TFEC: variants seen among roughly 807,000 people sequenced by gnomAD.
The protein encoded by TFEC is transcription factor EC.
Under a neutral mutation model 41.6 loss-of-function variants are expected in TFEC, and 31 were observed. That is an observed-to-expected ratio of 0.74 (90% confidence interval 0.56 to 1.01). The LOEUF (loss-of-function observed/expected upper bound fraction) is 1.01. Among genes scored for constraint, TFEC ranks in the 50% least tolerant of loss-of-function variants. The pLI is 0.00. For synonymous variants in TFEC, 143 were observed against 140.6 expected (o/e 1.02, Z -0.12); for missense variants, 402 against 404.1 (o/e 0.99, Z 0.04).
chr7:116,059,063 A>C lies in TFEC; in HGVS notation c.198+51645T>G, dbSNP rs186189762. On this transcript the variant is annotated intron_variant, in intron 3 of 8. Transcript: ENST00000484212. ...AGGAAAATTAATGAAATAAAATATA[A>C]AATCAATGTAACTGAAAGCTTATTC... Among the ~76,000 whole-genome samples, 110 of 151,938 alleles carry C rather than the reference A, an allele frequency of 7.2e-4. 2 individuals carry two copies. In the South Asian group the frequency reaches 0.021, roughly 29 times the overall value.
At chr7:116,060,551 G>A (rs1052649544) in intron 3 of TFEC, among the ~76,000 whole-genome samples, 62 of 152,114 alleles carry the variant, frequency 4.1e-4, no homozygotes, top group Admixed American at 4.1e-3. Context: ...ACAACATCAT[G>A]TCTTTTGTGG....
intron 1 of TFEC, among the ~76,000 whole-genome samples, chr7:116,127,463 G>C (rs951922063): frequency 6.6e-6 from 1 of 151,950 alleles, no homozygotes; most frequent in Non-Finnish European, 1.5e-5. Context: ...ACTGAAAGCA[G>C]TGATATGTTT....
intron 3 of TFEC, among the ~76,000 whole-genome samples, chr7:116,107,306 G>A (rs1157864549): frequency 2.0e-5 from 3 of 152,032 alleles, no homozygotes; most frequent in African/African-American, 2.4e-5. Flanking sequence ...CCATCAAAGC[G>A]AACACCTGAC....
chr7:115,978,437 T>C (rs1208880238), intron 2 of TFEC, among the ~76,000 whole-genome samples: 1 of 152,152 alleles, frequency 6.6e-6, no homozygotes, highest in Non-Finnish European at 1.5e-5. Flanking sequence ...AACCTAAAAA[T>C]CTTAAAATCC....
intron 2 of TFEC, among the ~76,000 whole-genome samples, chr7:115,974,823 G>A (rs1456118412): frequency 6.6e-6 from 1 of 151,614 alleles, no homozygotes; most frequent in Non-Finnish European, 1.5e-5. Context: ...ATAATAATAG[G>A]TAATAGCAAT....
rs148211958 is a variant in TFEC at position 116,081,681 on chromosome 7, C to A, written c.198+29027G>T. ...TCCCACTATAGCTCTCAGAATTAAG[C>A]CCAAATTCTTTAGCACAGATATGAG... On this transcript the variant is annotated intron_variant, in intron 3 of 8. Transcript: ENST00000484212. Among the ~76,000 whole-genome samples, 263 of 152,160 alleles carry A rather than the reference C, an allele frequency of 1.7e-3. 1 individual carries two copies. Among genetic ancestry groups the A allele is most frequent in the African/African-American group, 6.1e-3 (252 of 41,540 alleles).
At chr7:116,085,484 G>T (rs1797183227) in intron 3 of TFEC, among the ~76,000 whole-genome samples, 1 of 151,780 alleles carries the variant, frequency 6.6e-6, no homozygotes, top group Admixed American at 6.6e-5. Context: ...GAACGGGTTT[G>T]ACCAAATGGA....
chr7:115,956,560 CCTT>C, intron 4 of TFEC, 116 bp downstream of exon 4: 1 of 524,988 alleles, frequency 1.9e-6, no homozygotes, highest in Non-Finnish European at 3.2e-6. Flanking sequence ...TTACTGTCTG[CCTT>C]CTTTTTTGTA....
intron 1 of TFEC, among the ~76,000 whole-genome samples, chr7:116,112,432 T>C (rs1562973565): frequency 6.6e-6 from 1 of 152,026 alleles, no homozygotes; most frequent in African/African-American, 2.4e-5. Flanking sequence ...CAGGGTAAAA[T>C]TCATTGTATG....
intron 6 of TFEC, among the ~76,000 whole-genome samples, chr7:115,945,076 T>G (rs1276015742): frequency 4.0e-5 from 6 of 150,738 alleles, no homozygotes; most frequent in Admixed American, 2.7e-4. Context: ...TTTTAATGGT[T>G]GTAGTCACCT....
chr7:116,002,714 T>C (rs1219194363), intron 1 of TFEC, among the ~76,000 whole-genome samples: 1 of 152,172 alleles, frequency 6.6e-6, no homozygotes, highest in Non-Finnish European at 1.5e-5. Context: ...CTTGAGGTGA[T>C]AGATACCCAA....
At chr7:116,035,031 T>A (rs895797335), upstream of TFEC, among the ~76,000 whole-genome samples, 8 of 151,828 alleles carry the variant, frequency 5.3e-5, no homozygotes, top group Non-Finnish European at 1.2e-4. Context: ...CCAGGTTTTC[T>A]GTTTAATTTC....
At chr7:116,020,483 C>T (rs17242375) in intron 1 of TFEC, among the ~76,000 whole-genome samples, 9,958 of 152,118 alleles carry the variant, frequency 0.065, 446 homozygotes, top group Non-Finnish European at 0.092. Flanking sequence ...AGTGGTCTCC[C>T]TATAGCATTC....
chr7:116,077,491 TAAGAATTCGCCAA>T (rs1796986442), intron 3 of TFEC, among the ~76,000 whole-genome samples: 1 of 152,082 alleles, frequency 6.6e-6, no homozygotes, highest in East Asian at 1.9e-4. Context: ...GCTGAACGGA[TAAGAATTCGCCAA>T]CCAAGTTTCT....
At chr7:115,953,484 AG>A (rs1205540507) in intron 5 of TFEC, among the ~76,000 whole-genome samples, 3 of 152,088 alleles carry the variant, frequency 2.0e-5, no homozygotes, top group Non-Finnish European at 4.4e-5. Flanking sequence ...ATGGATATAC[AG>A]GACACCATGT....
chr7:116,086,817 T>G (rs1376278291), intron 3 of TFEC, among the ~76,000 whole-genome samples: 1 of 151,926 alleles, frequency 6.6e-6, no homozygotes, highest in Admixed American at 6.6e-5. Flanking sequence ...TATACTTAAA[T>G]AGAATGGAAA....
intron 3 of TFEC, among the ~76,000 whole-genome samples, chr7:116,104,090 T>C (rs1250641938): frequency 6.6e-6 from 1 of 152,192 alleles, no homozygotes; most frequent in African/African-American, 2.4e-5. Context: ...AGAACATTAA[T>C]ATTCTAACTT....
chr7:116,116,544 T>C (rs913363141), intron 1 of TFEC, among the ~76,000 whole-genome samples: 2 of 151,922 alleles, frequency 1.3e-5, no homozygotes, highest in Admixed American at 1.3e-4. Context: ...CTCTCTGTAG[T>C]ATATAAAATA....
At chr7:116,018,068 A>T (rs183906472) in intron 1 of TFEC, among the ~76,000 whole-genome samples, 54 of 152,320 alleles carry the variant, frequency 3.5e-4, no homozygotes, top group Middle Eastern at 6.8e-3. Context: ...TATAGTATTA[A>T]TAACTACCAC....
Sources: allele counts gnomAD v4.1 joint callset (sites outside exome capture counted in the v4.1 genomes callset), GRCh38; gene constraint gnomAD v4.1.1; transcripts MANE v1.5; gene names NCBI Gene and HGNC (gene_info 2026-07-23, HGNC 2026-07-21).